The following PLCB4 variants were observed in gnomAD, a reference collection of about 807,000 sequenced individuals.
PLCB4 encodes phospholipase C beta 4, also known as 1-phosphatidylinositol 4,5-bisphosphate phosphodiesterase beta-4.
PLCB4 carries 77 observed loss-of-function variants against 178.8 expected under a neutral mutation model. The observed-to-expected ratio is 0.43, with a 90% CI of 0.36 to 0.52. The LOEUF is 0.52. Ranked by LOEUF, PLCB4 falls within the 20% of genes least tolerant of loss-of-function variation. The pLI is 0.00. For missense variants in PLCB4, 1,024 were observed against 1,453.4 expected (o/e 0.70, Z 4.80); for synonymous variants, 496 against 490.8 (o/e 1.01, Z -0.14).
chr20:9,433,372 T>A (rs1210470474), intron 28 of PLCB4, among the ~76,000 whole-genome samples: 1 of 152,218 alleles, frequency 6.6e-6, no homozygotes, highest in East Asian at 1.9e-4. Flanking sequence ...GTACCTTGAT[T>A]CAAGCAATGT....
At chr20:9,369,550 AT>A (rs2036066349) in intron 9 of PLCB4, among the ~76,000 whole-genome samples, 1 of 152,126 alleles carries the variant, frequency 6.6e-6, no homozygotes, top group Non-Finnish European at 1.5e-5. Context: ...TCTCTCCCAT[AT>A]TTGTAGATTT....
At chr20:9,075,114 T>C (rs2089785260) in intron 1 of PLCB4, among the ~76,000 whole-genome samples, 1 of 152,150 alleles carries the variant, frequency 6.6e-6, no homozygotes, top group African/African-American at 2.4e-5. Context: ...CAGTTTATAC[T>C]TGGGGAAACT....
At chr20:9,429,248 T>C (rs2041233174) in intron 28 of PLCB4, among the ~76,000 whole-genome samples, 1 of 151,770 alleles carries the variant, frequency 6.6e-6, no homozygotes, top group Non-Finnish European at 1.5e-5. Flanking sequence ...GAGTCAGGAG[T>C]TTGCATGCAT....
intron 2 of PLCB4, among the ~76,000 whole-genome samples, chr20:9,215,497 G>T (rs1416737555): frequency 6.6e-6 from 1 of 152,102 alleles, no homozygotes; most frequent in Non-Finnish European, 1.5e-5. Flanking sequence ...CATGCTTAGA[G>T]CCAGCCTGCA....
rs145812684 is a variant in PLCB4, at chr20:9,087,811, C to T, written c.-134-8476C>T. Among the ~76,000 whole-genome samples, 26 of 152,296 alleles carry T rather than the reference C, an allele frequency of 1.7e-4. 1 individual carries two copies. The East Asian group carries it at 4.3e-3, about 25-fold the overall frequency. ...CCTTGCAGGTCCATTGGCATCATGC[C>T]ATTATTTGCTTTGAGCACTGCAATA... On this transcript the variant is annotated intron_variant, in intron 1 of 39. Coordinates refer to ENST00000378473, the MANE Select transcript of PLCB4 (RefSeq NM_001377142.1).
chr20:9,317,317 C>G (rs1028834501), intron 4 of PLCB4, among the ~76,000 whole-genome samples: 1 of 152,068 alleles, frequency 6.6e-6, no homozygotes, highest in African/African-American at 2.4e-5. Context: ...ATCATTGTAT[C>G]AGTTTATCAC....
intron 4 of PLCB4, among the ~76,000 whole-genome samples, chr20:9,317,824 C>T (rs1485029909): frequency 2.6e-5 from 4 of 152,130 alleles, no homozygotes; most frequent in African/African-American, 9.7e-5. Context: ...TTTGGGCAGG[C>T]GTGGTGGCTC....
At chr20:9,303,466 T>C (rs1436596804) in intron 3 of PLCB4, among the ~76,000 whole-genome samples, 2 of 152,324 alleles carry the variant, frequency 1.3e-5, no homozygotes, top group South Asian at 4.1e-4. Context: ...TTATTTCACT[T>C]AGCATAATGT....
At chr20:9,188,069 G>T (rs1321281775) in intron 2 of PLCB4, among the ~76,000 whole-genome samples, 1 of 152,170 alleles carries the variant, frequency 6.6e-6, no homozygotes, top group Non-Finnish European at 1.5e-5. Context: ...TATGTGCCAG[G>T]TATATAATAT....
chr20:9,163,066 C>T (rs2092914891), intron 2 of PLCB4, among the ~76,000 whole-genome samples: 2 of 152,082 alleles, frequency 1.3e-5, no homozygotes, highest in South Asian at 4.1e-4. Flanking sequence ...TTTTGCAGGC[C>T]TTGGAAGCTG....
At chr20:9,399,188 T>G (rs1414985076) in intron 19 of PLCB4, among the ~76,000 whole-genome samples, 1 of 152,198 alleles carries the variant, frequency 6.6e-6, no homozygotes, top group Non-Finnish European at 1.5e-5. Flanking sequence ...GTGACTCCCA[T>G]GTTATTCCAA....
Position 9,459,610 on chromosome 20 carries a change from G to A in PLCB4, c.3073-25G>A, listed in dbSNP as rs368711327. ...TACCTGACCTATGAGGATTACAATG[G>A]CACCGTCCCCTTTTTCCCAAACAGG... is the stretch of plus-strand genomic sequence containing the variant. On this transcript the variant is annotated intron_variant, in intron 34 of 39. Transcript: ENST00000378473. The A allele has an allele frequency of 9.6e-6, 15 of 1,570,436 alleles. No homozygotes were observed. In the African/African-American group the frequency reaches 1.8e-4, roughly 18 times the overall value.
At chr20:9,366,748 C>G (rs899212560) in intron 9 of PLCB4, among the ~76,000 whole-genome samples, 2 of 152,222 alleles carry the variant, frequency 1.3e-5, no homozygotes, top group African/African-American at 4.8e-5. Flanking sequence ...TATCTGGATT[C>G]GTGAACCTAA....
intron 2 of PLCB4, among the ~76,000 whole-genome samples, chr20:9,135,767 T>C (rs1365704403): frequency 6.6e-6 from 1 of 152,156 alleles, no homozygotes; most frequent in Non-Finnish European, 1.5e-5. Flanking sequence ...TTTTCTATTG[T>C]ATAGAAAAGC....
At chr20:9,470,347 G>T (rs1421122450) in intron 36 of PLCB4, among the ~76,000 whole-genome samples, 2 of 151,200 alleles carry the variant, frequency 1.3e-5, no homozygotes, top group Admixed American at 1.3e-4. Flanking sequence ...AAAAAGAAAA[G>T]AAAAAATGTC....
chr20:9,101,255 A>T (rs1404118067), intron 2 of PLCB4, among the ~76,000 whole-genome samples: 1 of 152,140 alleles, frequency 6.6e-6, no homozygotes, highest in Non-Finnish European at 1.5e-5. Context: ...CAAATCTGGG[A>T]CAAGGCGTCG....
intron 35 of PLCB4, among the ~76,000 whole-genome samples, chr20:9,461,654 G>A (rs1327914565): frequency 6.6e-6 from 1 of 152,246 alleles, no homozygotes; most frequent in Non-Finnish European, 1.5e-5. Flanking sequence ...CAGGCTCACT[G>A]CTAGTGCAGC....
intron 2 of PLCB4, among the ~76,000 whole-genome samples, chr20:9,140,428 G>A (rs1249828707): frequency 1.3e-5 from 2 of 152,090 alleles, no homozygotes; most frequent in Non-Finnish European, 2.9e-5. Flanking sequence ...CATTGCTCCT[G>A]TTAGGTACTG....
At chr20:9,279,960 T>A (rs1401105524) in intron 3 of PLCB4, among the ~76,000 whole-genome samples, 1 of 152,114 alleles carries the variant, frequency 6.6e-6, no homozygotes, top group Non-Finnish European at 1.5e-5. Context: ...ATAGTTGACT[T>A]TACCCCACCC....
Sources: allele counts gnomAD v4.1 joint callset (sites outside exome capture counted in the v4.1 genomes callset), GRCh38; gene constraint gnomAD v4.1.1; transcripts MANE v1.5; gene names NCBI Gene and HGNC (gene_info 2026-07-23, HGNC 2026-07-21).